Variants in PRKG1 observed in about 807,000 individuals in gnomAD.
PRKG1 encodes the protein cGMP-dependent protein kinase 1.
Under a neutral mutation model 88.1 loss-of-function variants are expected in PRKG1, and 35 were observed. The ratio of observed to expected loss-of-function variants is 0.40; its 90% CI spans 0.30 to 0.53. The LOEUF is 0.53. Among genes scored for constraint, PRKG1 ranks in the 20% least tolerant of loss-of-function variants. PRKG1 has a pLI of 0.59. For synonymous variants in PRKG1, 303 were observed against 292.5 expected (o/e 1.04, Z -0.37); for missense variants, 540 against 839.8 (o/e 0.64, Z 4.41).
intron 4 of PRKG1, among the ~76,000 whole-genome samples, chr10:51,855,804 G>GAAACA (rs1840666028): frequency 6.6e-6 from 1 of 152,088 alleles, no homozygotes; most frequent in Non-Finnish European, 1.5e-5. Context: ...GCGTTTATTG[G>GAAACA]AAACAAAACA....
At chr10:51,218,585 TG>T (rs1180182388) in intron 2 of PRKG1, among the ~76,000 whole-genome samples, 11 of 147,906 alleles carry the variant, frequency 7.4e-5, no homozygotes, top group African/African-American at 2.7e-4. Context: ...TATATGTATT[TG>T]GCATTTACAT....
intron 2 of PRKG1, among the ~76,000 whole-genome samples, chr10:51,182,975 G>A (rs762278971): frequency 2.0e-5 from 3 of 152,114 alleles, no homozygotes; most frequent in African/African-American, 4.8e-5. Context: ...TAATTCTATT[G>A]ATTTTGGACA....
chr10:51,504,605 A>G (rs544511454), intron 3 of PRKG1, among the ~76,000 whole-genome samples: 72 of 152,312 alleles, frequency 4.7e-4, no homozygotes, highest in African/African-American at 1.7e-3. Context: ...ATCCATGAGC[A>G]TGGAATGTTC....
intron 9 of PRKG1, among the ~76,000 whole-genome samples, chr10:52,179,803 C>A (rs1467176545): frequency 2.0e-5 from 3 of 152,210 alleles, no homozygotes; most frequent in Admixed American, 6.5e-5. Context: ...ATTATCCTGC[C>A]TCAGCCTCCC....
chr10:51,688,036 T>C (rs1841038878), intron 3 of PRKG1, among the ~76,000 whole-genome samples: 1 of 152,228 alleles, frequency 6.6e-6, no homozygotes, highest in Non-Finnish European at 1.5e-5. Flanking sequence ...TTCTTGATTT[T>C]CTCTGCTAGT....
intron 2 of PRKG1, among the ~76,000 whole-genome samples, chr10:51,365,995 C>G (rs1384319472): frequency 6.6e-6 from 1 of 151,758 alleles, no homozygotes; most frequent in African/African-American, 2.4e-5. Context: ...CTCTATCACT[C>G]AAGTTCTATA....
intron 13 of PRKG1, among the ~76,000 whole-genome samples, chr10:52,281,298 T>A (rs533674382): frequency 6.6e-6 from 1 of 152,264 alleles, no homozygotes; most frequent in East Asian, 1.9e-4. Flanking sequence ...ATATTTTAGA[T>A]TTAAGAATAA....
chr10:52,046,350 G>T lies in PRKG1; in HGVS notation c.763-8134G>T, dbSNP rs976282401. On this transcript the variant is annotated intron_variant, in intron 5 of 17. Coordinates refer to ENST00000373980, the MANE Select transcript of PRKG1 (RefSeq NM_006258.4). ...AGGTATTTGTACCTTTACAAACACT[G>T]TTCTCTACACATGGAAAGCCCTTCC... Among the ~76,000 whole-genome samples the T allele has an allele frequency of 2.0e-5, 3 of 151,956 alleles. No homozygotes were observed. In the East Asian group the frequency reaches 5.8e-4, roughly 29 times the overall value.
chr10:51,198,903 C>T (rs1564635378), intron 2 of PRKG1, among the ~76,000 whole-genome samples: 1 of 152,120 alleles, frequency 6.6e-6, no homozygotes, highest in Non-Finnish European at 1.5e-5. Context: ...TTGCAAATTA[C>T]CACAAAAATA....
intron 9 of PRKG1, among the ~76,000 whole-genome samples, chr10:52,207,036 G>A (rs1395516773): frequency 6.6e-6 from 1 of 152,222 alleles, no homozygotes; most frequent in South Asian, 2.1e-4. Flanking sequence ...GCCAACAGGG[G>A]CATTGCAATG....
intron 5 of PRKG1, among the ~76,000 whole-genome samples, chr10:51,995,972 A>G (rs1294352293): frequency 1.3e-5 from 2 of 152,284 alleles, no homozygotes; most frequent in East Asian, 1.9e-4. Context: ...GTGGGATTAC[A>G]TTAAACTAAA....
At chr10:52,227,051 C>G (rs1385768310) in intron 9 of PRKG1, among the ~76,000 whole-genome samples, 3 of 152,108 alleles carry the variant, frequency 2.0e-5, no homozygotes, top group Non-Finnish European at 4.4e-5. Flanking sequence ...GTCCTTGAAG[C>G]AGTTCAACAG....
chr10:51,919,533 A>ATT lies in PRKG1; in HGVS notation c.762+11973_762+11974dup, dbSNP rs5784891. ...CCTGCTGTGCAATACCATTCTGCAG[A>ATT]TTTTTTTTTTTGCTTTGACTTTGTG... On this transcript the variant is annotated intron_variant, in intron 5 of 17. Coordinates refer to ENST00000373980, the MANE Select transcript of PRKG1 (RefSeq NM_006258.4). Among the ~76,000 whole-genome samples the ATT allele has an allele frequency of 6.9e-3, 1,037 of 149,210 alleles. 13 individuals are homozygous for ATT. Among genetic ancestry groups the ATT allele is most frequent in the Non-Finnish European group, 9.8e-3 (660 of 67,234 alleles).
At position 51,418,756 on chromosome 10, in the gene PRKG1, A is replaced by G. The variant is rs181075753; in HGVS notation, c.479-48967A>G. Among the ~76,000 whole-genome samples, 16 of 152,312 alleles carry G rather than the reference A, an allele frequency of 1.1e-4. No individual in the cohort carries two copies. In the East Asian group the frequency reaches 2.9e-3, roughly 28 times the overall value. On this transcript the variant is annotated intron_variant, in intron 2 of 17. Transcript: ENST00000373980. ...CCATAGAAAACTACAGTGGAGGGCT[A>G]TTGAATGTGGCAGACACACACACTA...
At position 51,929,346 on chromosome 10, in the gene PRKG1, C is replaced by CTT. The variant is rs67175480; in HGVS notation, c.762+21797_762+21798dup. On this transcript the variant is annotated intron_variant, in intron 5 of 17. Coordinates refer to ENST00000373980, the MANE Select transcript of PRKG1 (RefSeq NM_006258.4). Reference sequence around the variant, plus strand: ...GCCTGACCAACATCTGAATTCCTTCCTTTTTTTTTTTTTTTTTTTTTTGAG... The same window carrying CTT: ...GCCTGACCAACATCTGAATTCCTTCCTTTTTTTTTTTTTTTTTTTTTTTTGAG... Among the ~76,000 whole-genome samples, 1,037 of 109,638 alleles carry CTT rather than the reference C, an allele frequency of 9.5e-3. 4 individuals are homozygous for CTT. Among genetic ancestry groups the CTT allele is most frequent in the Non-Finnish European group, 0.012 (633 of 54,292 alleles). The allele number at this position is 109,638 out of a possible 152,430, so 71.9% of individuals were successfully genotyped here.
chr10:51,053,951 C>G (rs569801978), intron 1 of PRKG1, among the ~76,000 whole-genome samples: 35 of 151,996 alleles, frequency 2.3e-4, no homozygotes, highest in Admixed American at 9.8e-4. Context: ...GTCCAACTTA[C>G]AGTTTTCAAA....
intron 5 of PRKG1, 65 bp from the exon 6 acceptor site, chr10:52,054,419 G>A (rs1846059971): frequency 8.4e-7 from 1 of 1,183,666 alleles, no homozygotes; most frequent in Non-Finnish European, 1.2e-6. Context: ...GATATTTGAA[G>A]AGGCTGAGCT....
intron 3 of PRKG1, among the ~76,000 whole-genome samples, chr10:51,483,009 C>CTTTTTTTT (rs149140774): frequency 4.5e-5 from 5 of 110,478 alleles, no homozygotes; most frequent in Non-Finnish European, 9.0e-5. Flanking sequence ...TCTTTTCTTT[C>CTTTTTTTT]TTTTTTTTTT....
At chr10:51,152,926 A>T (rs1011758865) in intron 1 of PRKG1, among the ~76,000 whole-genome samples, 2 of 149,522 alleles carry the variant, frequency 1.3e-5, no homozygotes, top group East Asian at 2.0e-4. Context: ...GTTGGTTGGT[A>T]GGTCACTTAT....
Sources: gnomAD v4.1 joint callset for allele counts (sites outside exome capture counted in the v4.1 genomes callset) on GRCh38, gnomAD v4.1.1 for gene constraint, MANE v1.5 for transcripts, NCBI Gene and HGNC (gene_info 2026-07-23, HGNC 2026-07-21) for gene names.